The following GRIP1 variants were observed in gnomAD, a reference collection of about 807,000 sequenced individuals.
The protein encoded by GRIP1 is glutamate receptor-interacting protein 1.
In GRIP1, 45 loss-of-function variants were observed where a neutral mutation model predicts 129.9. The observed-to-expected ratio is 0.35, with a 90% CI of 0.27 to 0.44. The LOEUF is 0.44. Ranked by LOEUF, GRIP1 falls within the 20% of genes least tolerant of loss-of-function variation. The probability of loss-of-function intolerance (pLI) is 1.00; values close to 1 mark genes in which losing one functional copy is unlikely to be tolerated. For synonymous variants in GRIP1, 530 were observed against 520.8 expected, an observed-to-expected ratio of 1.02 and a Z score of -0.24; for missense variants, 1,196 against 1,396.8, an observed-to-expected ratio of 0.86 and a Z score of 2.29.
intron 2 of GRIP1, among the ~76,000 whole-genome samples, chr12:66,566,879 G>C (rs2062780679): frequency 6.6e-6 from 1 of 152,108 alleles, no homozygotes; most frequent in African/African-American, 2.4e-5. Flanking sequence ...ATGTGTCGAG[G>C]AATTTACCCA....
intron 1 of GRIP1, among the ~76,000 whole-genome samples, chr12:66,981,779 T>C (rs1291222340): frequency 6.6e-6 from 1 of 152,228 alleles, no homozygotes; most frequent in Non-Finnish European, 1.5e-5. Context: ...AACAGCACAG[T>C]TGCAGGAGGA....
At chr12:67,028,340 G>A (rs1044786025) in intron 1 of GRIP1, among the ~76,000 whole-genome samples, 2 of 152,098 alleles carry the variant, frequency 1.3e-5, no homozygotes, top group African/African-American at 4.8e-5. Flanking sequence ...TTTAAAAACT[G>A]AACATTAAAA....
chr12:66,716,725 A>C (rs1393363595), intron 1 of GRIP1, among the ~76,000 whole-genome samples: 1 of 152,042 alleles, frequency 6.6e-6, no homozygotes, highest in Non-Finnish European at 1.5e-5. Flanking sequence ...GACAGGCACA[A>C]CCAGGTGTGT....
intron 14 of GRIP1, among the ~76,000 whole-genome samples, chr12:66,429,242 C>T (rs2058074216): frequency 2.0e-5 from 3 of 152,210 alleles, no homozygotes; most frequent in African/African-American, 7.2e-5. Context: ...AGAGCTTGCA[C>T]AAGGTGAAGA....
At chr12:66,379,878 TACAA>T (rs554799670) in intron 19 of GRIP1, among the ~76,000 whole-genome samples, 12 of 152,290 alleles carry the variant, frequency 7.9e-5, no homozygotes, top group African/African-American at 2.6e-4. Flanking sequence ...CCTGCCACTT[TACAA>T]ACAAAAGACA....
At chr12:66,504,882 C>T (rs910511568) in intron 7 of GRIP1, among the ~76,000 whole-genome samples, 3 of 152,156 alleles carry the variant, frequency 2.0e-5, no homozygotes, top group African/African-American at 4.8e-5. Flanking sequence ...AGGCACATTG[C>T]TAGGCATTGG....
rs1474042916 is a variant in GRIP1, at chr12:66,541,805, A to C, written c.272+10T>G. 1.2e-6 allele frequency: 2 copies of C among 1,613,532 alleles called. No individual in the cohort carries two copies. The highest frequency in any genetic ancestry group is 4.5e-5 in the East Asian group (2 of 44,898). ...GTTCCTTTCAGTAGATTTCCCCAAGAGGCAGTTACCTAGCAGCAATTCCTC... is the reference window on the plus strand; with the variant it reads ...GTTCCTTTCAGTAGATTTCCCCAAGCGGCAGTTACCTAGCAGCAATTCCTC... On this transcript the variant is annotated intron_variant, in intron 3 of 24. Transcript: ENST00000359742.
chr12:66,564,537 T>C (rs2062671706), intron 2 of GRIP1, among the ~76,000 whole-genome samples: 1 of 152,166 alleles, frequency 6.6e-6, no homozygotes, highest in African/African-American at 2.4e-5. Flanking sequence ...TGTTGGACAT[T>C]TGGGTTGGTT....
chr12:66,739,637 G>T (rs1323195999), intron 1 of GRIP1, among the ~76,000 whole-genome samples: 1 of 151,896 alleles, frequency 6.6e-6, no homozygotes, highest in African/African-American at 2.4e-5. Flanking sequence ...TGCATGCTGG[G>T]CATAACACCT....
chr12:66,754,590 T>C (rs1410263202), intron 1 of GRIP1, among the ~76,000 whole-genome samples: 3 of 152,202 alleles, frequency 2.0e-5, no homozygotes, highest in Non-Finnish European at 4.4e-5. Flanking sequence ...CACTGTCTGC[T>C]CAAGGTAGGG....
chr12:66,662,166 G>A (rs2033550633), intron 1 of GRIP1, among the ~76,000 whole-genome samples: 1 of 152,116 alleles, frequency 6.6e-6, no homozygotes, highest in Non-Finnish European at 1.5e-5. Flanking sequence ...GAGAAAGACC[G>A]AGATTTACTC....
chr12:66,512,954 A>G (rs933196656), intron 7 of GRIP1, among the ~76,000 whole-genome samples: 1 of 152,110 alleles, frequency 6.6e-6, no homozygotes, highest in African/African-American at 2.4e-5. Flanking sequence ...AGGTAGAAAG[A>G]TATTCTTTTT....
At chr12:66,438,825 C>T (rs1004572153) in intron 13 of GRIP1, among the ~76,000 whole-genome samples, 4 of 152,160 alleles carry the variant, frequency 2.6e-5, no homozygotes, top group East Asian at 1.9e-4. Context: ...CAAATGACAG[C>T]TTCTTGTATT....
In GRIP1 at chr12:66,999,055, CTCAA is replaced by C. The variant is rs201748546; in HGVS notation, c.58+69991_58+69994del. Reference sequence around the variant, plus strand: ...AAAAGCTGCCCACACCTCACATGCCCTCAATTCTCTACCACATTCAGACATTTTC... The same window carrying C: ...AAAAGCTGCCCACACCTCACATGCCCTTCTCTACCACATTCAGACATTTTC... On this transcript the variant is annotated intron_variant, in intron 1 of 1. Transcript: ENST00000643019. Among the ~76,000 whole-genome samples the C allele has an allele frequency of 3.1e-3, 468 of 152,218 alleles. 2 individuals are homozygous for C. Among genetic ancestry groups the C allele is most frequent in the Non-Finnish European group, 4.9e-3 (330 of 68,016 alleles).
chr12:66,845,093 A>G (rs2137060498), intron 1 of GRIP1, among the ~76,000 whole-genome samples: 1 of 152,338 alleles, frequency 6.6e-6, no homozygotes, highest in East Asian at 1.9e-4. Flanking sequence ...AATGGTTAAG[A>G]TAGCAAATTT....
intron 1 of GRIP1, among the ~76,000 whole-genome samples, chr12:66,661,407 G>C (rs1384480476): frequency 7.0e-6 from 1 of 143,132 alleles, no homozygotes; most frequent in East Asian, 2.1e-4. Context: ...ACAACAAAAA[G>C]TTGGCTCTGA....
intron 17 of GRIP1, 93 bp downstream of exon 17, chr12:66,394,115 T>C (rs2056699603): frequency 1.1e-5 from 14 of 1,218,178 alleles, no homozygotes; most frequent in Non-Finnish European, 1.7e-5. Flanking sequence ...AGCCAACAGA[T>C]AACCACAGAG....
At chr12:66,532,164 C>T (rs573047524) in intron 4 of GRIP1, among the ~76,000 whole-genome samples, 5 of 152,252 alleles carry the variant, frequency 3.3e-5, no homozygotes, top group Admixed American at 1.3e-4. Context: ...ATGTTGACTG[C>T]GTTTTAATAC....
At position 66,432,618 on chromosome 12, in the gene GRIP1, G is replaced by T. The variant is rs1271335077; in HGVS notation, c.1698C>A (p.Ile566=). The change falls in exon 14 of 25, where the codon ATC becomes ATA. Residue 566 remains isoleucine, a synonymous_variant. Coordinates refer to ENST00000359742, the MANE Select transcript of GRIP1 (RefSeq NM_001366722.1). ...EIEFDVAESV[I]PSSGTFHVKL... ...TTACATGAAATGTTCCACTACTTGG[G>T]ATGACAGACTCTAATATCAAAACAA... 1 of 1,589,134 alleles carries T rather than the reference G, an allele frequency of 6.3e-7. No homozygotes were observed. Among genetic ancestry groups the T allele is most frequent in the Non-Finnish European group, 8.6e-7 (1 of 1,158,228 alleles).
Sources: allele counts gnomAD v4.1 joint callset (sites outside exome capture counted in the v4.1 genomes callset), GRCh38; gene constraint gnomAD v4.1.1; transcripts MANE v1.5; gene names NCBI Gene and HGNC (gene_info 2026-07-23, HGNC 2026-07-21).